CLEC4C: variants seen among roughly 807,000 people sequenced by gnomAD.
CLEC4C encodes the protein C-type (calcium dependent, carbohydrate-recognition domain) lectin, superfamily member 11.
CLEC4C carries 17 observed loss-of-function variants against 27.7 expected under a neutral mutation model. That is an observed-to-expected ratio of 0.61 (90% CI 0.42 to 0.92). CLEC4C has a LOEUF of 0.92. Ranked by LOEUF, CLEC4C falls within the 40% of genes least tolerant of loss-of-function variation. The probability of loss-of-function intolerance (pLI) is 0.00; values close to 1 mark genes in which losing one functional copy is unlikely to be tolerated. For synonymous variants in CLEC4C, 80 were observed against 80.8 expected (o/e 0.99, Z 0.06); for missense variants, 244 against 257.3 (o/e 0.95, Z 0.35).
intron 1 of CLEC4C, among the ~76,000 whole-genome samples, chr12:7,746,932 C>T (rs1348215765): frequency 6.6e-6 from 1 of 152,222 alleles, no homozygotes; most frequent in East Asian, 1.9e-4. Flanking sequence ...TCAAGTGATT[C>T]TCCTGCCTCA....
chr12:7,749,445 C>T (rs988130149), upstream of CLEC4C: 1 of 151,816 alleles, frequency 6.6e-6, no homozygotes, highest in East Asian at 1.9e-4. Context: ...ATTTCGGCTA[C>T]TCAGGAGGCT....
chr12:7,744,977 T>C (rs1326796939), intron 2 of CLEC4C, among the ~76,000 whole-genome samples: 2 of 152,066 alleles, frequency 1.3e-5, no homozygotes, highest in African/African-American at 4.8e-5. Context: ...AGTAATACAA[T>C]TATAGCATCA....
At position 7,739,563 on chromosome 12, in the gene CLEC4C, C is replaced by T. The variant is rs1032871959; in HGVS notation, c.235+1858G>A. Among the ~76,000 whole-genome samples the T allele has an allele frequency of 6.6e-5, 10 of 152,216 alleles. No homozygotes were observed. In the East Asian group the frequency reaches 1.5e-3, roughly 24 times the overall value. On this transcript the variant is annotated intron_variant, in intron 3 of 5. Coordinates refer to ENST00000360345, the MANE Select transcript of CLEC4C (RefSeq NM_001371390.1). ...GGCAGTCCCTGATCCTGGACACAGC[C>T]GACCAATTATCCCTGAGGAGGTGAG...
In CLEC4C at chr12:7,729,664, C is replaced by A; in HGVS notation, c.574G>T (p.Gly192Cys). 5 of 1,613,666 alleles carry A rather than the reference C, an allele frequency of 3.1e-6. No homozygotes were observed. The highest frequency in any genetic ancestry group is 4.2e-6 in the Non-Finnish European group (5 of 1,179,634). The change falls in exon 6 of 6, where the codon GGC becomes TGC. Residue 192 changes from glycine to cysteine, a missense_variant. Transcript: ENST00000360345. ...ACATGACAGTGAATGTCATTCCAGC[C>A]CCATTCTTCTGAAGAACGGAAATTT... Reference protein sequence around the residue: ...IINFRSSEEWGWNDIHCHVPQ... With the variant: ...IINFRSSEEWCWNDIHCHVPQ...
intron 2 of CLEC4C, among the ~76,000 whole-genome samples, chr12:7,744,422 T>C (rs1226875466): frequency 6.6e-6 from 1 of 152,200 alleles, no homozygotes; most frequent in Non-Finnish European, 1.5e-5. Flanking sequence ...ATTCAGTAAC[T>C]TCCTCACAGA....
intron 4 of CLEC4C, among the ~76,000 whole-genome samples, 192 bp downstream of exon 4, chr12:7,737,237 A>C (rs1312167375): frequency 1.3e-5 from 2 of 152,096 alleles, no homozygotes; most frequent in Non-Finnish European, 2.9e-5. Context: ...CCCCCAAAAA[A>C]AATAAAAATA....
intron 3 of CLEC4C, among the ~76,000 whole-genome samples, chr12:7,738,972 C>A (rs1864791705): frequency 6.8e-6 from 1 of 146,678 alleles, no homozygotes; most frequent in Non-Finnish European, 1.5e-5. Context: ...CTCCCCACCC[C>A]ACAACAGGCC....
At chr12:7,735,843 A>T (rs1320825952) in intron 4 of CLEC4C, among the ~76,000 whole-genome samples, 3 of 152,188 alleles carry the variant, frequency 2.0e-5, no homozygotes, top group Admixed American at 6.6e-5. Flanking sequence ...ACAGCAAAAA[A>T]ACAAGCTTAA....
chr12:7,746,693 C>G (rs1033706159), intron 1 of CLEC4C, among the ~76,000 whole-genome samples: 4 of 152,230 alleles, frequency 2.6e-5, no homozygotes, highest in East Asian at 1.9e-4. Context: ...AATTGCACAG[C>G]CTTGGCCTCA....
At chr12:7,731,038 T>A in intron 4 of CLEC4C, 126 bp from the exon 5 acceptor site, 2 of 536,832 alleles carry the variant, frequency 3.7e-6, no homozygotes, top group Admixed American at 5.7e-5. Flanking sequence ...TCACTTCTCT[T>A]CTAACTACAA....
rs1192292295 is a variant in CLEC4C at position 7,746,982 on chromosome 12, G to A, written c.31+336C>T. Among the ~76,000 whole-genome samples, 4 of 152,080 alleles carry A rather than the reference G, an allele frequency of 2.6e-5. No individual in the cohort carries two copies. In the East Asian group the frequency reaches 5.8e-4, roughly 22 times the overall value. On this transcript the variant is annotated intron_variant, in intron 1 of 5. Transcript: ENST00000360345. ...TGGGATTACAGGCATGTGCCACCACGCCTGGCTAATTTTCTATTTTTAGTA... is the reference window on the plus strand; with the variant it reads ...TGGGATTACAGGCATGTGCCACCACACCTGGCTAATTTTCTATTTTTAGTA...
At chr12:7,747,514 C>T (rs991051724), upstream of CLEC4C, 3 of 606,518 alleles carry the variant, frequency 4.9e-6, no homozygotes, top group Admixed American at 8.0e-5. Flanking sequence ...ACTTAGGAGA[C>T]TCTGCAGTGA....
chr12:7,747,440 G>T, upstream of CLEC4C: 1 of 1,357,990 alleles, frequency 7.4e-7, no homozygotes, highest in Non-Finnish European at 1.1e-6. Context: ...TCGGGGTGTG[G>T]TTCTTTCAAA....
intron 2 of CLEC4C, among the ~76,000 whole-genome samples, chr12:7,744,224 C>A (rs1270454792): frequency 6.6e-6 from 1 of 152,262 alleles, no homozygotes; most frequent in East Asian, 1.9e-4. Flanking sequence ...GACAACTATC[C>A]CAACCATATC....
At chr12:7,729,929 T>C (rs1265254246) in intron 5 of CLEC4C, among the ~76,000 whole-genome samples, 189 bp from the exon 6 acceptor site, 1 of 152,158 alleles carries the variant, frequency 6.6e-6, no homozygotes, top group East Asian at 1.9e-4. Flanking sequence ...GTGTCTCTGG[T>C]ATTTCCCCTG....
At chr12:7,747,295 G>T in intron 1 of CLEC4C, 23 bp downstream of exon 1, 1 of 1,612,352 alleles carries the variant, frequency 6.2e-7, no homozygotes, top group South Asian at 1.1e-5. Context: ...ACCTTCCCTA[G>T]AACTGAGAAG....
At chr12:7,742,231 G>A (rs1271249367) in intron 2 of CLEC4C, among the ~76,000 whole-genome samples, 3 of 151,912 alleles carry the variant, frequency 2.0e-5, no homozygotes, top group South Asian at 4.2e-4. Flanking sequence ...ATGACTTTAC[G>A]GCTGGGCATG....
chr12:7,734,225 T>C (rs1255733189), intron 4 of CLEC4C, among the ~76,000 whole-genome samples: 2 of 152,174 alleles, frequency 1.3e-5, no homozygotes, highest in African/African-American at 2.4e-5. Flanking sequence ...AAGCAGTCTA[T>C]TGTCTGCCCA....
At chr12:7,739,401 G>A (rs750732431) in intron 3 of CLEC4C, among the ~76,000 whole-genome samples, 7 of 151,982 alleles carry the variant, frequency 4.6e-5, no homozygotes, top group Non-Finnish European at 1.0e-4. Flanking sequence ...GTGAGCCACC[G>A]CGCCTGGCCT....
Sources: allele counts gnomAD v4.1 joint callset (sites outside exome capture counted in the v4.1 genomes callset), GRCh38; gene constraint gnomAD v4.1.1; transcripts MANE v1.5; gene names NCBI Gene and HGNC (gene_info 2026-07-23, HGNC 2026-07-21).